Variants in CHD5 observed in about 807,000 individuals in gnomAD.
The protein encoded by CHD5 is chromodomain helicase DNA binding protein 5.
CHD5 carries 69 observed loss-of-function variants against 230.3 expected under a neutral mutation model. That is an observed-to-expected ratio of 0.30 (90% CI 0.25 to 0.37). The LOEUF (loss-of-function observed/expected upper bound fraction) is 0.37, where lower values mean the gene tolerates loss of function less well. CHD5 is among the 10% of genes least tolerant of loss of function. The pLI is 1.00. For missense variants in CHD5, 1,827 were observed against 2,622.8 expected, an observed-to-expected ratio of 0.70 and a Z score of 6.63; for synonymous variants, 1,064 against 1,065.9, an observed-to-expected ratio of 1.00 and a Z score of 0.03.
chr1:6,172,385 T>G (rs186564240), intron 1 of CHD5, among the ~76,000 whole-genome samples: 5 of 152,236 alleles, frequency 3.3e-5, no homozygotes, highest in Admixed American at 3.3e-4. Flanking sequence ...AGTGCAGTGT[T>G]ATGATCATGG....
At chr1:6,107,708 AGATGGAGGGAT>A (rs1398261830) in intron 38 of CHD5, among the ~76,000 whole-genome samples, 1 of 111,938 alleles carries the variant, frequency 8.9e-6, no homozygotes, top group African/African-American at 3.4e-5. Context: ...GATGATGGAG[AGATGGAGGGAT>A]GATGGAGGGA....
chr1:6,130,067 G>C lies in CHD5; in HGVS notation c.3387+137C>G, dbSNP rs902449563. On this transcript the variant is annotated intron_variant, in intron 22 of 41. Transcript: ENST00000262450. This position sits in a 1 kb window ranked among gnomAD's most constrained non-coding sequence, Gnocchi z 4.9. Reference sequence around the variant, plus strand: ...CTCCCAGAGCCCCTCTTGGGGCCGAGACTCCACGGGGGAGGGAGGCCCACA... The same window carrying C: ...CTCCCAGAGCCCCTCTTGGGGCCGACACTCCACGGGGGAGGGAGGCCCACA... 1 of 996,630 alleles carries C rather than the reference G, an allele frequency of 1.0e-6. No individual in the cohort carries two copies. Among genetic ancestry groups the C allele is most frequent in the African/African-American group, 1.6e-5 (1 of 62,628 alleles). The allele number at this position is 996,630 out of a possible 1,614,324, so 61.7% of individuals were successfully genotyped here.
chr1:6,126,702 G>T lies in CHD5; in HGVS notation c.3948C>A (p.Asp1316Glu), dbSNP rs774334456. The change falls in exon 26 of 42, where the codon GAC becomes GAA. Residue 1316 changes from aspartate to glutamate, a missense_variant. Physicochemically the swap from Asp to Glu is conservative, Grantham distance 45. Transcript: ENST00000262450. The surrounding 1 kb of genome is among the most constrained non-coding windows in gnomAD (Gnocchi z 5.7). ...REIIKQEENV[D>E]PDYWEKLLRH... ...GCAGCAGCTTCTCCCAGTAGTCGGG[G>T]TCCACGTTCTCCTCCTGCTTGATGA... 6.2e-7 allele frequency: 1 copy of T among 1,614,018 alleles called. No individual in the cohort carries two copies. The highest frequency in any genetic ancestry group is 1.7e-5 in the Admixed American group (1 of 60,012).
intron 3 of CHD5, among the ~76,000 whole-genome samples, chr1:6,157,018 C>G (rs1470194469): frequency 6.6e-6 from 1 of 152,248 alleles, no homozygotes; most frequent in African/African-American, 2.4e-5. Flanking sequence ...GGCACACTGC[C>G]TTGCAGAACA....
Position 6,161,799 on chromosome 1 carries a change from G to A in CHD5, c.208-2284C>T, listed in dbSNP as rs192133320. 2.3e-3 allele frequency among the ~76,000 whole-genome samples: 358 copies of A among 152,350 alleles called. 3 individuals are homozygous for A. The highest frequency in any genetic ancestry group is 0.013 in the East Asian group (70 of 5,186). On this transcript the variant is annotated intron_variant, in intron 2 of 41. Coordinates refer to ENST00000262450, the MANE Select transcript of CHD5 (RefSeq NM_015557.3). ...CACCCCAGCAAAGGTAAGGACAAGA[G>A]AGGCCGCCATGAACTTCAGCACCAC...
intron 9 of CHD5, among the ~76,000 whole-genome samples, chr1:6,148,158 A>G (rs990289854): frequency 6.6e-6 from 1 of 152,188 alleles, no homozygotes; most frequent in Non-Finnish European, 1.5e-5. Context: ...GCCCAGGGCT[A>G]AAGGAGGCAC....
chr1:6,108,474 G>A (rs1236777165), intron 38 of CHD5, among the ~76,000 whole-genome samples: 1 of 148,328 alleles, frequency 6.7e-6, no homozygotes, highest in Admixed American at 6.7e-5. Flanking sequence ...AAGGATGGAG[G>A]GAGAATGGAA....
At chr1:6,175,844 T>C (rs1234347645) in intron 1 of CHD5, among the ~76,000 whole-genome samples, 1 of 151,200 alleles carries the variant, frequency 6.6e-6, no homozygotes, top group African/African-American at 2.4e-5. Flanking sequence ...GATGGATGGA[T>C]GGATGGTGGG....
chr1:6,112,576 G>T (rs1007397870), intron 34 of CHD5, among the ~76,000 whole-genome samples: 2 of 152,226 alleles, frequency 1.3e-5, no homozygotes, highest in Non-Finnish European at 2.9e-5. Context: ...GCCTGAGGGG[G>T]CTGATCTGAG....
intron 1 of CHD5, among the ~76,000 whole-genome samples, chr1:6,175,013 AATGGATAATGG>A (rs1667401853): frequency 7.3e-6 from 1 of 136,754 alleles, no homozygotes; most frequent in African/African-American, 3.0e-5. Flanking sequence ...TGGATGGCTG[AATGGATAATGG>A]ATGGATGATG....
intron 9 of CHD5, 45 bp downstream of exon 9, chr1:6,148,809 T>TGGGGTGGGGCGGGGCGTCC: frequency 5.4e-6 from 6 of 1,115,672 alleles, no homozygotes; most frequent in Middle Eastern, 3.7e-4. Context: ...GGCCTGTTCC[T>TGGGGTGGGGCGGGGCGTCC]GGGGTGGGGC....
In CHD5 at chr1:6,144,109, G is replaced by T. The variant is rs1385839678; in HGVS notation, c.1849C>A (p.Leu617Met). 6.2e-7 allele frequency: 1 copy of T among 1,614,194 alleles called. No individual in the cohort carries two copies. Among genetic ancestry groups the T allele is most frequent in the Admixed American group, 1.7e-5 (1 of 60,030 alleles). ...DVHYLIKWKDLPYDQCTWEID... is the reference protein window; with the variant it reads ...DVHYLIKWKDMPYDQCTWEID... ...TCCCAGGTGCACTGGTCGTAGGGCA[G>T]GTCTTTCCACTTGATCAGGTAGTGC... Residue 617 changes from leucine to methionine, a missense_variant, in exon 12 of 42, where the codon CTG (leucine) becomes ATG (methionine). By Grantham distance (15) the Leu-to-Met change is conservative. Coordinates refer to ENST00000262450, the MANE Select transcript of CHD5 (RefSeq NM_015557.3).
At chr1:6,133,712 C>T (rs1457139693) in intron 20 of CHD5, among the ~76,000 whole-genome samples, 1 of 152,264 alleles carries the variant, frequency 6.6e-6, no homozygotes, top group Non-Finnish European at 1.5e-5. Flanking sequence ...GAAATGAACA[C>T]ACCTGAGCCG....
At chr1:6,157,330 G>A (rs1667094883) in intron 3 of CHD5, among the ~76,000 whole-genome samples, 1 of 152,254 alleles carries the variant, frequency 6.6e-6, no homozygotes, top group Non-Finnish European at 1.5e-5. Context: ...GCCCCGAGCT[G>A]CTGCTGCCCT....
At chr1:6,110,370 G>T (rs778315857) in intron 37 of CHD5, 24 bp downstream of exon 37, 1 of 1,613,598 alleles carries the variant, frequency 6.2e-7, no homozygotes. Flanking sequence ...GCCCCGTGCA[G>T]CCCTGGCCCT....
chr1:6,143,750 C>T (rs1017725237), intron 13 of CHD5, 73 bp downstream of exon 13: 51 of 1,294,428 alleles, frequency 3.9e-5, no homozygotes, highest in African/African-American at 5.8e-5. Context: ...AACACACACC[C>T]CCTGCACATT....
intron 8 of CHD5, 69 bp downstream of exon 8, chr1:6,149,177 A>G (rs527241423): frequency 2.0e-6 from 3 of 1,480,430 alleles, no homozygotes; most frequent in Non-Finnish European, 2.7e-6. Context: ...TCTGCCCCCA[A>G]ATGAGGGCAC....
Position 6,109,776 on chromosome 1 carries a change from G to A in CHD5, c.5578+19C>T, listed in dbSNP as rs778288361. 1.9e-6 allele frequency: 3 copies of A among 1,606,116 alleles called. No individual in the cohort carries two copies. The highest frequency in any genetic ancestry group is 3.4e-5 in the Admixed American group (2 of 59,332). ...AGGAAGGGCGGGGGGCTGCACCGTG[G>A]GGGGCAGGACTTGCTCACCCTTGTG... On this transcript the variant is annotated intron_variant, in intron 38 of 41. Coordinates refer to ENST00000262450, the MANE Select transcript of CHD5 (RefSeq NM_015557.3).
At chr1:6,123,338 G>T in intron 31 of CHD5, among the ~76,000 whole-genome samples, 1 of 152,156 alleles carries the variant, frequency 6.6e-6, no homozygotes, top group Non-Finnish European at 1.5e-5. Context: ...ATGGGTACAG[G>T]GTTTCTTTTT....
Sources: allele counts gnomAD v4.1 joint callset (sites outside exome capture counted in the v4.1 genomes callset), GRCh38; gene constraint gnomAD v4.1.1; non-coding constraint Gnocchi (gnomAD v3.1); transcripts MANE v1.5; gene names NCBI Gene and HGNC (gene_info 2026-07-23, HGNC 2026-07-21).